The following GSAP variants were observed in gnomAD, a reference collection of about 807,000 sequenced individuals.
The protein encoded by GSAP is gamma-secretase activating protein.
In GSAP, 118 loss-of-function variants were observed where a neutral mutation model predicts 131.7. The observed-to-expected ratio is 0.90, with a 90% confidence interval of 0.77 to 1.04. The LOEUF (loss-of-function observed/expected upper bound fraction) is 1.04. Among genes scored for constraint, GSAP ranks in the 50% least tolerant of loss-of-function variants. The probability of loss-of-function intolerance (pLI) is 0.00; values close to 1 mark genes in which losing one functional copy is unlikely to be tolerated. For missense variants in GSAP, 1,019 were observed against 1,013.2 expected, an observed-to-expected ratio of 1.01 and a Z score of -0.08; for synonymous variants, 381 against 363.4, an observed-to-expected ratio of 1.05 and a Z score of -0.55.
intron 18 of GSAP, chr7:77,351,764 G>A (rs1476910285): frequency 1.6e-5 from 16 of 976,204 alleles, no homozygotes; most frequent in Non-Finnish European, 1.9e-5. Context: ...ATGTGGCTCA[G>A]TCTTTTAACA....
chr7:77,345,681 GAC>G (rs1435192267), intron 19 of GSAP, among the ~76,000 whole-genome samples: 1 of 152,076 alleles, frequency 6.6e-6, no homozygotes, highest in Non-Finnish European at 1.5e-5. Flanking sequence ...AGCAACTTGT[GAC>G]ACACGCCCCT....
At chr7:77,378,120 C>T (rs886766866) in intron 8 of GSAP, among the ~76,000 whole-genome samples, 4 of 152,190 alleles carry the variant, frequency 2.6e-5, no homozygotes, top group African/African-American at 7.2e-5. Flanking sequence ...TCTTCTACAA[C>T]ACGTTTCTAT....
chr7:77,330,224 C>T lies in GSAP; in HGVS notation c.1674+15G>A. 3 of 1,604,400 alleles carry T rather than the reference C, an allele frequency of 1.9e-6. No homozygotes were observed. In the South Asian group the frequency reaches 3.3e-5, roughly 18 times the overall value. ...TGCCTCGCTGCTGGCTTTGTTCTCA[C>T]TGACCCACTCATACCTCTTCAGAGA... On this transcript the variant is annotated intron_variant, in intron 20 of 30. Coordinates refer to ENST00000257626, the MANE Select transcript of GSAP (RefSeq NM_017439.4).
rs555140834 is a variant in GSAP at position 77,344,120 on chromosome 7, G to A, written c.1545+5231C>T. On this transcript the variant is annotated intron_variant, in intron 19 of 30. Transcript: ENST00000257626. ...TCCCACAGGGTCTGCGAAGGCCACCGTGGTCATTTCTTCCCTTCTGTCAGA... is the reference window on the plus strand; with the variant it reads ...TCCCACAGGGTCTGCGAAGGCCACCATGGTCATTTCTTCCCTTCTGTCAGA... Among the ~76,000 whole-genome samples, 6 of 152,260 alleles carry A rather than the reference G, an allele frequency of 3.9e-5. No homozygotes were observed. The East Asian group carries it at 9.7e-4, about 25-fold the overall frequency.
intron 5 of GSAP, among the ~76,000 whole-genome samples, chr7:77,387,690 A>G (rs1338820252): frequency 1.3e-5 from 2 of 152,178 alleles, no homozygotes; most frequent in Non-Finnish European, 2.9e-5. Context: ...CCAGCAAAGG[A>G]CCTGCCTTCC....
chr7:77,357,532 G>C (rs2150889856), intron 14 of GSAP, among the ~76,000 whole-genome samples: 1 of 152,322 alleles, frequency 6.6e-6, no homozygotes, highest in East Asian at 1.9e-4. Flanking sequence ...CCTCTAGTCA[G>C]GGGTGTCCAA....
chr7:77,333,093 G>A (rs923060189), intron 19 of GSAP, among the ~76,000 whole-genome samples: 1 of 152,122 alleles, frequency 6.6e-6, no homozygotes, highest in Admixed American at 6.5e-5. Flanking sequence ...CTTGAACCCG[G>A]GAGGCGGAGG....
At chr7:77,390,041 T>A (rs1347831462) in intron 5 of GSAP, among the ~76,000 whole-genome samples, 1 of 152,264 alleles carries the variant, frequency 6.6e-6, no homozygotes, top group Non-Finnish European at 1.5e-5. Flanking sequence ...CCAGTGATCA[T>A]GAGCATTTTT....
intron 26 of GSAP, chr7:77,314,829 G>A (rs902637779): frequency 3.1e-5 from 6 of 190,572 alleles, no homozygotes; most frequent in African/African-American, 4.7e-5. Flanking sequence ...TTCAGATTTC[G>A]TATGTCCAGA....
chr7:77,344,650 C>T (rs1476661974), intron 19 of GSAP, among the ~76,000 whole-genome samples: 2 of 152,222 alleles, frequency 1.3e-5, no homozygotes, highest in Non-Finnish European at 2.9e-5. Context: ...CTGGTGCTAT[C>T]CCCAACTGCC....
intron 6 of GSAP, among the ~76,000 whole-genome samples, chr7:77,387,067 C>A (rs1798680393): frequency 1.3e-5 from 2 of 152,164 alleles, no homozygotes; most frequent in African/African-American, 4.8e-5. Flanking sequence ...GTCAACCATG[C>A]AAATACATTA....
At chr7:77,336,241 T>G (rs1216553774) in intron 19 of GSAP, among the ~76,000 whole-genome samples, 1 of 151,752 alleles carries the variant, frequency 6.6e-6, no homozygotes, top group Non-Finnish European at 1.5e-5. Flanking sequence ...CACAATCAGC[T>G]TATGCCCTGA....
chr7:77,313,489 G>A lies in GSAP; in HGVS notation c.2270C>T (p.Pro757Leu), dbSNP rs774994851. The A allele has an allele frequency of 2.9e-5, 44 of 1,521,044 alleles. No homozygotes were observed. Among genetic ancestry groups the A allele is most frequent in the South Asian group, 6.8e-5 (6 of 88,390 alleles). 94.2% of individuals were successfully genotyped at this position (1,521,044 alleles called of 1,614,324 possible). The change falls in exon 28 of 31, where the codon CCG (proline) becomes CTG (leucine). Residue 757 changes from proline (P) to leucine (L), a missense_variant and splice_region_variant. Pro to Leu is a moderately conservative substitution (Grantham distance 98). Transcript: ENST00000257626. The stretch of plus-strand genomic sequence containing the variant: ...AAATAAAATGTAACTCAGTATTACC[G>A]GAGGAAGCCGCACAATGATACTGAA... Reference protein sequence around the residue: ...LKFSIIVRLPPLIGQKICRLW... With the variant: ...LKFSIIVRLPLLIGQKICRLW...
At position 77,377,366 on chromosome 7, in the gene GSAP, G is replaced by A. The variant is rs781050143; in HGVS notation, c.601C>T (p.Pro201Ser). 2 of 1,568,124 alleles carry A rather than the reference G, an allele frequency of 1.3e-6. No homozygotes were observed. The highest frequency in any genetic ancestry group is 8.6e-7 in the Non-Finnish European group (1 of 1,163,112). The change falls in exon 9 of 31, where the codon CCA (proline) becomes TCA (serine). Residue 201 changes from proline (P) to serine (S), a missense_variant. Physicochemically the swap from Pro to Ser is moderately conservative, Grantham distance 74. Coordinates refer to ENST00000257626, the MANE Select transcript of GSAP (RefSeq NM_017439.4). ...RVVIKNSGHLPRDRIAEDFVW... is the reference protein window; with the variant it reads ...RVVIKNSGHLSRDRIAEDFVW... ...AAATCCTCAGCTATTCTGTCTCTTG[G>A]GAGATGGCCAGAATTTTTAATCACC...
At position 77,340,378 on chromosome 7, in the gene GSAP, C is replaced by T. The variant is rs140895206; in HGVS notation, c.1545+8973G>A. The stretch of plus-strand genomic sequence containing the variant: ...CACAGACACACGTGACATTTGGTGC[C>T]GAAGACCCAGGACAGGAGGACTCCT... On this transcript the variant is annotated intron_variant, in intron 19 of 30. Coordinates refer to ENST00000257626, the MANE Select transcript of GSAP (RefSeq NM_017439.4). Among the ~76,000 whole-genome samples the T allele has an allele frequency of 2.9e-3, 438 of 152,242 alleles. 15 individuals carry two copies. Among genetic ancestry groups the T allele is most frequent in the East Asian group, 0.027 (138 of 5,164 alleles).
At chr7:77,331,623 T>G (rs1383223157) in intron 19 of GSAP, among the ~76,000 whole-genome samples, 1 of 152,210 alleles carries the variant, frequency 6.6e-6, no homozygotes, top group African/African-American at 2.4e-5. Context: ...ACAGTCATAA[T>G]TGGTTTGAAA....
intron 6 of GSAP, among the ~76,000 whole-genome samples, chr7:77,386,989 G>T (rs953593793): frequency 6.6e-6 from 1 of 152,182 alleles, no homozygotes; most frequent in Non-Finnish European, 1.5e-5. Context: ...TATACATGCA[G>T]TTTCTGCATC....
chr7:77,383,111 C>G (rs1053513956), intron 6 of GSAP, among the ~76,000 whole-genome samples: 2 of 152,104 alleles, frequency 1.3e-5, no homozygotes, highest in Non-Finnish European at 2.9e-5. Context: ...CACTTGAACC[C>G]AGGAGGTTGA....
chr7:77,416,103 C>A, intron 1 of GSAP, 110 bp downstream of exon 1: 2 of 582,722 alleles, frequency 3.4e-6, no homozygotes, highest in Non-Finnish European at 5.6e-6. Context: ...TCGCACCAGC[C>A]TTCTCAGGGC....
Sources: gnomAD v4.1 joint callset for allele counts (sites outside exome capture counted in the v4.1 genomes callset) on GRCh38, gnomAD v4.1.1 for gene constraint, MANE v1.5 for transcripts, NCBI Gene and HGNC (gene_info 2026-07-23, HGNC 2026-07-21) for gene names.